The following RAD51B variants were observed in gnomAD, a reference collection of about 807,000 sequenced individuals.
RAD51B encodes the protein RAD51 paralog B.
Under a neutral mutation model 42.2 loss-of-function variants are expected in RAD51B, and 38 were observed. The ratio of observed to expected loss-of-function variants is 0.90; its 90% confidence interval spans 0.70 to 1.18. The LOEUF is 1.18. Among genes scored for constraint, RAD51B ranks in the 50% most tolerant of loss-of-function variants. The pLI, the probability that RAD51B is intolerant of heterozygous loss-of-function variation, is 0.00. For missense variants in RAD51B, 373 were observed against 400.7 expected (o/e 0.93, Z 0.59); for synonymous variants, 154 against 145.2 (o/e 1.06, Z -0.43).
intron 8 of RAD51B, among the ~76,000 whole-genome samples, chr14:68,298,015 G>C (rs1029161658): frequency 1.3e-5 from 2 of 152,206 alleles, no homozygotes; most frequent in Admixed American, 6.5e-5. Context: ...CTATTCACAA[G>C]GGCACACGCC....
chr14:68,442,193 G>A (rs1489256874), intron 9 of RAD51B, among the ~76,000 whole-genome samples: 1 of 152,134 alleles, frequency 6.6e-6, no homozygotes, highest in Non-Finnish European at 1.5e-5. Flanking sequence ...TCTTTACTCT[G>A]CGTCCAGTCT....
chr14:68,072,063 T>TATATATATTTA (rs1566622781), intron 7 of RAD51B, among the ~76,000 whole-genome samples: 81 of 90,586 alleles, frequency 8.9e-4, no homozygotes, highest in South Asian at 9.4e-4. Context: ...TTATATATAT[T>TATATATATTTA]TATATAAATA....
chr14:68,019,983 A>G (rs1276177037), intron 7 of RAD51B, among the ~76,000 whole-genome samples: 1 of 152,158 alleles, frequency 6.6e-6, no homozygotes, highest in East Asian at 1.9e-4. Context: ...AAGAATGACA[A>G]CCAGAAATAT....
chr14:68,016,461 A>G (rs1226108570), intron 7 of RAD51B, among the ~76,000 whole-genome samples: 1 of 152,244 alleles, frequency 6.6e-6, no homozygotes, highest in Non-Finnish European at 1.5e-5. Context: ...AAGAGCACAG[A>G]TAATAGTAAA....
chr14:68,636,401 G>C (rs1324315094), intron 10 of RAD51B, among the ~76,000 whole-genome samples: 1 of 152,002 alleles, frequency 6.6e-6, no homozygotes, highest in East Asian at 1.9e-4. Context: ...TGGCCAACAT[G>C]GTGAAACCAC....
intron 8 of RAD51B, among the ~76,000 whole-genome samples, chr14:68,337,321 A>C (rs1010231070): frequency 3.3e-5 from 5 of 152,228 alleles, no homozygotes; most frequent in Non-Finnish European, 7.3e-5. Flanking sequence ...GCTGCAGTGG[A>C]TAGTTTATTG....
chr14:67,863,434 G>A (rs950154868), intron 4 of RAD51B, among the ~76,000 whole-genome samples: 5 of 152,026 alleles, frequency 3.3e-5, no homozygotes, highest in African/African-American at 7.2e-5. Flanking sequence ...CAGAAATGCT[G>A]GTTAACAAGC....
intron 11 of RAD51B, among the ~76,000 whole-genome samples, chr14:68,658,941 AG>A (rs1892877229): frequency 6.6e-6 from 1 of 152,240 alleles, no homozygotes; most frequent in Non-Finnish European, 1.5e-5. Flanking sequence ...TGTACAGCCC[AG>A]GATGTCACTC....
At chr14:68,483,183 C>T (rs1883337429) in intron 10 of RAD51B, among the ~76,000 whole-genome samples, 1 of 152,196 alleles carries the variant, frequency 6.6e-6, no homozygotes, top group African/African-American at 2.4e-5. Context: ...CCACTTCCTC[C>T]ATGTTCTGAA....
intron 10 of RAD51B, among the ~76,000 whole-genome samples, chr14:68,542,871 C>T (rs907245912): frequency 1.3e-5 from 2 of 152,176 alleles, no homozygotes; most frequent in African/African-American, 2.4e-5. Flanking sequence ...TCTTTCCAGC[C>T]TCATCTCCCA....
At chr14:68,208,091 A>G (rs780313076) in intron 7 of RAD51B, among the ~76,000 whole-genome samples, 25 of 149,504 alleles carry the variant, frequency 1.7e-4, no homozygotes, top group Non-Finnish European at 2.8e-4. Flanking sequence ...TTCAGCTAGC[A>G]TTTGGAATCG....
intron 10 of RAD51B, among the ~76,000 whole-genome samples, chr14:68,601,211 G>A (rs1891203489): frequency 6.6e-6 from 1 of 151,946 alleles, no homozygotes; most frequent in African/African-American, 2.4e-5. Flanking sequence ...TGATCTCATA[G>A]CCACGTCTCA....
intron 7 of RAD51B, among the ~76,000 whole-genome samples, chr14:68,117,747 A>T (rs1645802649): frequency 6.6e-6 from 1 of 152,180 alleles, no homozygotes; most frequent in African/African-American, 2.4e-5. Flanking sequence ...GTGTGACCAT[A>T]AGGTAATGAG....
intron 8 of RAD51B, among the ~76,000 whole-genome samples, chr14:68,364,648 TCA>T (rs1465438545): frequency 6.6e-6 from 1 of 151,970 alleles, no homozygotes; most frequent in Non-Finnish European, 1.5e-5. Context: ...CAATGATCTC[TCA>T]CAGGAATGAT....
chr14:68,096,663 G>A (rs1669470551), intron 7 of RAD51B, among the ~76,000 whole-genome samples: 1 of 152,072 alleles, frequency 6.6e-6, no homozygotes, highest in Non-Finnish European at 1.5e-5. Flanking sequence ...CAGATCTCAA[G>A]GTCAGGAAAC....
At chr14:68,048,600 T>C (rs2076341040) in intron 7 of RAD51B, among the ~76,000 whole-genome samples, 1 of 152,212 alleles carries the variant, frequency 6.6e-6, no homozygotes, top group Non-Finnish European at 1.5e-5. Context: ...CTTTAATCCA[T>C]CTTGAATTAA....
rs138438564 is a variant in RAD51B at position 68,148,602 on chromosome 14, A to G, written c.757-143282A>G. Among the ~76,000 whole-genome samples, 623 of 152,338 alleles carry G rather than the reference A, an allele frequency of 4.1e-3. 1 individual carries two copies. Among genetic ancestry groups the G allele is most frequent in the Middle Eastern group, 0.017 (5 of 294 alleles). On this transcript the variant is annotated intron_variant, in intron 7 of 10. Transcript: ENST00000471583. ...AAGCAATATGCATGCAGTAGAAACT[A>G]TACTTTAAATTTTGAATGTTGATCT...
chr14:68,408,536 C>G (rs993796376), intron 8 of RAD51B, among the ~76,000 whole-genome samples: 4 of 152,108 alleles, frequency 2.6e-5, no homozygotes, highest in African/African-American at 9.7e-5. Context: ...GGAGCCATGC[C>G]ATGTAGAGCA....
chr14:68,552,596 A>T (rs1352914892), intron 10 of RAD51B, among the ~76,000 whole-genome samples: 1 of 152,240 alleles, frequency 6.6e-6, no homozygotes, highest in Non-Finnish European at 1.5e-5. Context: ...AAAAGTTCCC[A>T]TGAAAGGAGA....
Sources: allele counts gnomAD v4.1 joint callset (sites outside exome capture counted in the v4.1 genomes callset), GRCh38; gene constraint gnomAD v4.1.1; transcripts MANE v1.5; gene names NCBI Gene and HGNC (gene_info 2026-07-23, HGNC 2026-07-21).